Variants in USO1 observed in about 807,000 individuals in gnomAD.
The protein encoded by USO1 is general vesicular transport factor p115.
A neutral mutation model predicts 124.5 loss-of-function variants in USO1; 57 were observed. The observed-to-expected ratio is 0.46, with a 90% confidence interval of 0.37 to 0.57. The LOEUF (loss-of-function observed/expected upper bound fraction) is 0.57, where lower values mean the gene tolerates loss of function less well. Among genes scored for constraint, USO1 ranks in the 20% least tolerant of loss-of-function variants. USO1 has a pLI of 0.00. For synonymous variants in USO1, 369 were observed against 362.8 expected, an observed-to-expected ratio of 1.02 and a Z score of -0.19; for missense variants, 900 against 1,040.6, an observed-to-expected ratio of 0.86 and a Z score of 1.86.
chr4:75,725,318 G>T (rs1395261185), intron 1 of USO1, among the ~76,000 whole-genome samples: 1 of 152,204 alleles, frequency 6.6e-6, no homozygotes, highest in African/African-American at 2.4e-5. Flanking sequence ...TCTGAAACTG[G>T]GGCGTTGGGG....
chr4:75,804,771 T>C (rs1379843043), intron 18 of USO1, among the ~76,000 whole-genome samples: 1 of 152,212 alleles, frequency 6.6e-6, no homozygotes, highest in African/African-American at 2.4e-5. Context: ...AAGTTGTGCC[T>C]GGAAAATGGC....
chr4:75,752,716 G>C (rs1721325321), intron 3 of USO1, 112 bp downstream of exon 3: 1 of 389,610 alleles, frequency 2.6e-6, no homozygotes, highest in South Asian at 1.4e-4. Flanking sequence ...TGGTAGAGAT[G>C]GGGTTTGCCA....
chr4:75,785,371 A>ATTT (rs1234869532), intron 9 of USO1, among the ~76,000 whole-genome samples: 1 of 152,086 alleles, frequency 6.6e-6, no homozygotes, highest in African/African-American at 2.4e-5. Flanking sequence ...TTAAAAAATT[A>ATTT]TAGTTTTATG....
chr4:75,770,246 G>T, intron 4 of USO1, 193 bp from the exon 5 acceptor site: 1 of 376,680 alleles, frequency 2.7e-6, no homozygotes, highest in Non-Finnish European at 4.5e-6. Flanking sequence ...CCAATAAAAT[G>T]TATTTAAATG....
intron 20 of USO1, among the ~76,000 whole-genome samples, chr4:75,808,047 C>T (rs1336079699): frequency 6.6e-6 from 1 of 151,964 alleles, no homozygotes; most frequent in Admixed American, 6.6e-5. Flanking sequence ...AAGAAAAGAG[C>T]CTTTTACTTG....
chr4:75,727,069 A>G (rs1720485002), intron 1 of USO1, among the ~76,000 whole-genome samples: 1 of 152,220 alleles, frequency 6.6e-6, no homozygotes. Flanking sequence ...GTGTGGGTTG[A>G]ACGAAGAATA....
intron 4 of USO1, 34 bp downstream of exon 4, chr4:75,757,607 T>A (rs769012606): frequency 3.6e-6 from 5 of 1,405,882 alleles, no homozygotes; most frequent in Non-Finnish European, 3.7e-6. Flanking sequence ...GTGTTTTCTG[T>A]ACTTAAAACC....
intron 8 of USO1, among the ~76,000 whole-genome samples, chr4:75,776,314 T>TA (rs1722071856): frequency 6.6e-6 from 1 of 152,194 alleles, no homozygotes; most frequent in Non-Finnish European, 1.5e-5. Context: ...GCAGATTCTT[T>TA]AAAGAAACGG....
Position 75,804,183 on chromosome 4 carries a change from A to G in USO1, c.2036A>G (p.Gln679Arg). The G allele has an allele frequency of 6.2e-7, 1 of 1,613,606 alleles. No homozygotes were observed. Among genetic ancestry groups the G allele is most frequent in the Non-Finnish European group, 8.5e-7 (1 of 1,179,726 alleles). The change falls in exon 18 of 24, where the codon CAA becomes CGA. Residue 679 changes from glutamine (Q) to arginine (R), a missense_variant. Physicochemically the swap from Gln to Arg is conservative, Grantham distance 43. Around this residue, in one of 2 missense-constraint regions of USO1, gnomAD observed 362 missense variants for 359.0 expected, o/e 1.01. Coordinates refer to ENST00000514213, the MANE Select transcript of USO1 (RefSeq NM_003715.4). ...LRQQVSTLKC[Q>R]NEQLQTAVTQ... ...CAGCAGGTTTCTACATTAAAATGTC[A>G]AAATGAACAGCTCCAGACGGCAGTC... is the stretch of plus-strand genomic sequence containing the variant.
chr4:75,765,617 C>T (rs1380763351), intron 4 of USO1, among the ~76,000 whole-genome samples: 3 of 146,186 alleles, frequency 2.1e-5, no homozygotes, highest in Non-Finnish European at 4.5e-5. Flanking sequence ...GCAGTTCTTG[C>T]TATGTGCCTG....
At chr4:75,772,527 G>A (rs373610978) in intron 7 of USO1, among the ~76,000 whole-genome samples, 1 of 151,950 alleles carries the variant, frequency 6.6e-6, no homozygotes, top group South Asian at 2.1e-4. Context: ...GTGAGCCACC[G>A]CGCCCGGCCG....
At chr4:75,736,900 T>G (rs1463033433) in intron 1 of USO1, among the ~76,000 whole-genome samples, 1 of 152,216 alleles carries the variant, frequency 6.6e-6, no homozygotes, top group Non-Finnish European at 1.5e-5. Flanking sequence ...ATGTTTCTTT[T>G]TCACTTTTGT....
In USO1 at chr4:75,801,208, C is replaced by G; in HGVS notation, c.1986+8C>G. 1 of 1,600,796 alleles carries G rather than the reference C, an allele frequency of 6.2e-7. No individual in the cohort carries two copies. The highest frequency in any genetic ancestry group is 8.5e-7 in the Non-Finnish European group (1 of 1,175,380). On this transcript the variant is annotated splice_region_variant and intron_variant, in intron 17 of 23. Transcript: ENST00000514213. ...AATATGATTCGAGAGCAGGTAAGTACTAATGAACTGTATATACCCTCTGAT... is the reference window on the plus strand; with the variant it reads ...AATATGATTCGAGAGCAGGTAAGTAGTAATGAACTGTATATACCCTCTGAT...
chr4:75,782,783 A>G lies in USO1; in HGVS notation c.780A>G (p.Lys260=), dbSNP rs1315511440. Reference sequence around the variant, plus strand: ...AAGGCTCATATATTCAACGTATGAAACCTTGGTTTGAAGTTGGAGATGAAA... The same window carrying G: ...AAGGCTCATATATTCAACGTATGAAGCCTTGGTTTGAAGTTGGAGATGAAA... ...FKEGSYIQRM[K]PWFEVGDENS... The change falls in exon 9 of 24, where the codon AAA becomes AAG. Residue 260 remains lysine, a synonymous_variant. Transcript: ENST00000514213. 3.1e-6 allele frequency: 5 copies of G among 1,601,538 alleles called. No individual in the cohort carries two copies. The African/African-American group carries it at 6.7e-5, about 22-fold the overall frequency.
At chr4:75,732,953 G>T (rs1448686721) in intron 1 of USO1, among the ~76,000 whole-genome samples, 1 of 147,382 alleles carries the variant, frequency 6.8e-6, no homozygotes, top group Non-Finnish European at 1.5e-5. Context: ...TGAAGGTAAG[G>T]TTATATCATA....
intron 8 of USO1, among the ~76,000 whole-genome samples, chr4:75,778,875 C>A (rs1218447193): frequency 1.3e-5 from 2 of 152,144 alleles, no homozygotes; most frequent in Non-Finnish European, 2.9e-5. Context: ...AAAGTACAGG[C>A]ATACATTATT....
chr4:75,789,731 A>ATTTT (rs1164447200), intron 10 of USO1, among the ~76,000 whole-genome samples: 1 of 151,750 alleles, frequency 6.6e-6, no homozygotes, highest in Non-Finnish European at 1.5e-5. Context: ...CTTAAATTGA[A>ATTTT]TTTTTTAACT....
intron 1 of USO1, among the ~76,000 whole-genome samples, chr4:75,739,538 C>CTTTT (rs753369609): frequency 2.8e-4 from 29 of 105,428 alleles, no homozygotes; most frequent in Non-Finnish European, 3.5e-4. Context: ...TTATCTTTTT[C>CTTTT]TTTTTTTTTT....
At chr4:75,804,015 G>C (rs572273655) in intron 17 of USO1, 119 bp from the exon 18 acceptor site, 4 of 1,291,640 alleles carry the variant, frequency 3.1e-6, no homozygotes, top group Admixed American at 6.7e-5. Context: ...AACGATTTTG[G>C]AAGTGTTAAG....
Sources: gnomAD v4.1 joint callset for allele counts (sites outside exome capture counted in the v4.1 genomes callset) on GRCh38, gnomAD v4.1.1 for gene constraint, gnomAD v4.1.1 regional missense constraint, MANE v1.5 for transcripts, NCBI Gene and HGNC (gene_info 2026-07-23, HGNC 2026-07-21) for gene names.